The following LPIN2 variants were observed in gnomAD, a reference collection of about 807,000 sequenced individuals.
The protein encoded by LPIN2 is lipin 2.
LPIN2 carries 55 observed loss-of-function variants against 111.4 expected under a neutral mutation model. The observed-to-expected ratio is 0.49, with a 90% CI of 0.40 to 0.62. The LOEUF (loss-of-function observed/expected upper bound fraction) is 0.62. Among genes scored for constraint, LPIN2 ranks in the 20% least tolerant of loss-of-function variants. The probability of loss-of-function intolerance (pLI) is 0.00; values close to 1 mark genes in which losing one functional copy is unlikely to be tolerated. For synonymous variants in LPIN2, 425 were observed against 414.0 expected, an observed-to-expected ratio of 1.03 and a Z score of -0.32; for missense variants, 992 against 1,112.1, an observed-to-expected ratio of 0.89 and a Z score of 1.54.
At chr18:3,007,567 A>T (rs929236962) in intron 1 of LPIN2, among the ~76,000 whole-genome samples, 8 of 152,382 alleles carry the variant, frequency 5.2e-5, no homozygotes, top group Middle Eastern at 3.4e-3. Context: ...AGAAAAAAAT[A>T]ACACAGCCTC....
chr18:2,931,414 G>C lies in LPIN2; in HGVS notation c.1298C>G (p.Pro433Arg). The C allele has an allele frequency of 6.2e-7, 1 of 1,603,130 alleles. No homozygotes were observed. Among genetic ancestry groups the C allele is most frequent in the Non-Finnish European group, 8.5e-7 (1 of 1,174,612 alleles). The change falls in exon 9 of 20, where the codon CCC becomes CGC. Residue 433 changes from proline to arginine, a missense_variant. Physicochemically the swap from Pro to Arg is moderately radical, Grantham distance 103. Around this residue, in one of 4 missense-constraint regions of LPIN2, gnomAD observed 709 missense variants for 753.2 expected, o/e 0.94. Transcript: ENST00000677752. ...SESEPGSRQWPESDTLSGSQS... is the reference protein window; with the variant it reads ...SESEPGSRQWRESDTLSGSQS... ...GGAGCCAGAGAGTGTGTCAGACTCGGGCCACTGCCTGGAACCGGGCTCCGA... is the reference window on the plus strand; with the variant it reads ...GGAGCCAGAGAGTGTGTCAGACTCGCGCCACTGCCTGGAACCGGGCTCCGA...
chr18:2,924,780 C>G (rs1034146848), intron 14 of LPIN2, among the ~76,000 whole-genome samples: 6 of 152,170 alleles, frequency 3.9e-5, no homozygotes, highest in African/African-American at 2.4e-5. Context: ...AGCAAAAGGT[C>G]TACTACTCTT....
rs1168550670 is a variant in LPIN2, at chr18:2,918,758, A to G, written c.*1535T>C. Reference sequence around the variant, plus strand: ...ATCAGTCAGGGACTTTCAACTCTCCAATCTGGAAAAATAACCACCCCTATT... The same window carrying G: ...ATCAGTCAGGGACTTTCAACTCTCCGATCTGGAAAAATAACCACCCCTATT... On this transcript the variant is annotated 3_prime_UTR_variant, in exon 20 of 20. Coordinates refer to ENST00000677752, the MANE Select transcript of LPIN2 (RefSeq NM_001375808.2). 6.6e-6 allele frequency: 1 copy of G among 152,166 alleles called. No homozygotes were observed. The highest frequency in any genetic ancestry group is 1.5e-5 in the Non-Finnish European group (1 of 68,034). The allele number at this position is 152,166 out of a possible 1,614,324, so 9.4% of individuals were successfully genotyped here.
chr18:2,956,311 G>GGGGTGTGT (rs537302837), intron 2 of LPIN2, among the ~76,000 whole-genome samples: 94 of 144,050 alleles, frequency 6.5e-4, no homozygotes, highest in Non-Finnish European at 8.7e-4. Context: ...TAGATGCAGG[G>GGGGTGTGT]GTGTGTGTGT....
intron 1 of LPIN2, among the ~76,000 whole-genome samples, chr18:2,988,093 T>C (rs989810932): frequency 6.0e-5 from 9 of 150,752 alleles, no homozygotes; most frequent in South Asian, 2.1e-4. Flanking sequence ...AAATTACTTA[T>C]CTGTAGCCTT....
intron 16 of LPIN2, among the ~76,000 whole-genome samples, chr18:2,923,342 C>A (rs1177709734): frequency 7.3e-6 from 1 of 137,836 alleles, no homozygotes; most frequent in Admixed American, 8.6e-5. Context: ...ATCACTTGAA[C>A]CCGGGAGGCG....
chr18:3,009,531 C>G (rs1271044538), intron 1 of LPIN2, among the ~76,000 whole-genome samples: 2 of 151,864 alleles, frequency 1.3e-5, no homozygotes, highest in Non-Finnish European at 2.9e-5. Context: ...TTCTGCCTCC[C>G]AGGTTCAAAT....
At chr18:3,005,533 C>T (rs939632540) in intron 1 of LPIN2, among the ~76,000 whole-genome samples, 9 of 151,906 alleles carry the variant, frequency 5.9e-5, no homozygotes, top group Admixed American at 2.6e-4. Flanking sequence ...CAAAATTAAC[C>T]GGGGATGGTG....
intron 1 of LPIN2, among the ~76,000 whole-genome samples, chr18:2,962,075 G>A (rs890034674): frequency 6.6e-5 from 10 of 152,242 alleles, no homozygotes; most frequent in African/African-American, 2.4e-4. Flanking sequence ...GAAAACTCAG[G>A]GGCCTCCAGG....
intron 1 of LPIN2, among the ~76,000 whole-genome samples, chr18:2,991,783 G>A (rs564773123): frequency 4.7e-4 from 71 of 152,198 alleles, no homozygotes; most frequent in African/African-American, 1.7e-3. Context: ...AGGGGGAGGT[G>A]GGTGGATCAT....
rs199830303 is a variant in LPIN2, at chr18:2,921,660, T to A, written c.2328-13A>T. The stretch of plus-strand genomic sequence containing the variant: ...TTCTATCACTTCTCTAAGAAAAAAA[T>A]ACAAATACAATCACCAATCTCAAAA... On this transcript the variant is annotated splice_polypyrimidine_tract_variant and intron_variant, in intron 17 of 19. Transcript: ENST00000677752. The A allele has an allele frequency of 1.3e-4, 196 of 1,541,922 alleles. No individual in the cohort carries two copies. The highest frequency in any genetic ancestry group is 2.8e-4 in the Admixed American group (17 of 59,896).
chr18:2,924,910 T>C (rs1462245847), intron 14 of LPIN2, among the ~76,000 whole-genome samples: 1 of 152,206 alleles, frequency 6.6e-6, no homozygotes, highest in African/African-American at 2.4e-5. Flanking sequence ...GTGTCTAAAA[T>C]GTCATTTCTC....
intron 4 of LPIN2, 119 bp downstream of exon 4, chr18:2,950,936 G>A: frequency 9.4e-7 from 1 of 1,065,560 alleles, no homozygotes; most frequent in Non-Finnish European, 1.4e-6. Context: ...ACAATAAACT[G>A]TAAAGGGGGA....
chr18:2,959,173 G>A (rs2077669456), intron 2 of LPIN2, among the ~76,000 whole-genome samples: 1 of 152,070 alleles, frequency 6.6e-6, no homozygotes, highest in African/African-American at 2.4e-5. Context: ...CTTTCTAAAG[G>A]GTGACTCTGA....
intron 2 of LPIN2, among the ~76,000 whole-genome samples, chr18:2,958,141 C>CAAAAAAAA (rs1224779773): frequency 0.011 from 127 of 11,918 alleles, 19 homozygotes; most frequent in Middle Eastern, 0.11. Flanking sequence ...GACTCCATCT[C>CAAAAAAAA]AAAAAAAAAA....
In LPIN2 at chr18:2,944,231, T is replaced by A. The variant is rs183707738; in HGVS notation, c.591-3519A>T. 9.6e-3 allele frequency among the ~76,000 whole-genome samples: 1,331 copies of A among 139,240 alleles called. 28 individuals are homozygous for A. The highest frequency in any genetic ancestry group is 0.032 in the African/African-American group (1,239 of 38,800). 91.3% of individuals were successfully genotyped at this position (139,240 alleles called of 152,430 possible). A position where few individuals can be genotyped will look rare whatever the true frequency, so the allele number is the denominator to read the frequency against. On this transcript the variant is annotated intron_variant, in intron 4 of 19. Transcript: ENST00000677752. ...AGAATTGTGAAGCTCTTCATGACTT[T>A]AAAAAAAAAAACTCCAAAACAAGCT...
intron 1 of LPIN2, among the ~76,000 whole-genome samples, chr18:2,993,618 G>A (rs2078299122): frequency 1.3e-5 from 2 of 149,934 alleles, no homozygotes; most frequent in African/African-American, 2.4e-5. Flanking sequence ...AAAAGTTAAC[G>A]TGTAACTTTC....
intron 4 of LPIN2, among the ~76,000 whole-genome samples, chr18:2,944,639 C>T (rs1370850627): frequency 6.6e-6 from 1 of 152,060 alleles, no homozygotes; most frequent in African/African-American, 2.4e-5. Context: ...CATGAGCCAC[C>T]GCGCCCGGCC....
intron 2 of LPIN2, among the ~76,000 whole-genome samples, chr18:2,959,060 CCA>C (rs2077666955): frequency 6.6e-6 from 1 of 152,122 alleles, no homozygotes; most frequent in Admixed American, 6.5e-5. Context: ...ATTGGTGTTA[CCA>C]CAAAGAAAGA....
Sources: gnomAD v4.1 joint callset for allele counts (sites outside exome capture counted in the v4.1 genomes callset) on GRCh38, gnomAD v4.1.1 for gene constraint, gnomAD v4.1.1 regional missense constraint, MANE v1.5 for transcripts, NCBI Gene and HGNC (gene_info 2026-07-23, HGNC 2026-07-21) for gene names.